SCFD2: variants seen among roughly 807,000 people sequenced by gnomAD.
SCFD2 encodes sec1 family domain containing 2, also known as sec1 family domain-containing protein 2.
In SCFD2, 54 loss-of-function variants were observed where a neutral mutation model predicts 58.9. The ratio of observed to expected loss-of-function variants is 0.92; its 90% CI spans 0.74 to 1.15. SCFD2 has a LOEUF of 1.15. SCFD2 is among the 50% of genes most tolerant of loss of function. The pLI, the probability that SCFD2 is intolerant of heterozygous loss-of-function variation, is 0.00. For synonymous variants in SCFD2, 321 were observed against 335.9 expected (o/e 0.96, Z 0.49); for missense variants, 805 against 836.6 (o/e 0.96, Z 0.47).
chr4:53,182,021 G>A (rs1273388300), intron 4 of SCFD2, among the ~76,000 whole-genome samples: 1 of 152,104 alleles, frequency 6.6e-6, no homozygotes, highest in African/African-American at 2.4e-5. Context: ...ACAAATGGAA[G>A]AACATCCCAT....
intron 3 of SCFD2, among the ~76,000 whole-genome samples, chr4:53,275,251 C>T (rs1731293569): frequency 6.6e-6 from 1 of 152,304 alleles, no homozygotes; most frequent in South Asian, 2.1e-4. Flanking sequence ...AACTCAAAAG[C>T]CTACAACATA....
chr4:53,338,757 T>C (rs1001187444), intron 2 of SCFD2, among the ~76,000 whole-genome samples: 12 of 151,634 alleles, frequency 7.9e-5, no homozygotes, highest in African/African-American at 2.9e-4. Context: ...ATTTTTTGTA[T>C]TTTTAGTAGA....
intron 5 of SCFD2, among the ~76,000 whole-genome samples, chr4:53,029,049 A>G (rs1354587257): frequency 1.3e-5 from 2 of 152,224 alleles, no homozygotes; most frequent in African/African-American, 4.8e-5. Flanking sequence ...CAGTACAAAG[A>G]AGGCAAGCTT....
At chr4:53,246,930 T>A (rs1217222934) in intron 4 of SCFD2, among the ~76,000 whole-genome samples, 8 of 148,812 alleles carry the variant, frequency 5.4e-5, no homozygotes, top group African/African-American at 7.4e-5. Flanking sequence ...ATGGAAAAAA[T>A]TTTTGCAAAC....
chr4:52,952,376 G>A (rs1030112373), intron 5 of SCFD2, among the ~76,000 whole-genome samples: 3 of 151,394 alleles, frequency 2.0e-5, no homozygotes, highest in South Asian at 2.1e-4. Flanking sequence ...CAATCTAAAG[G>A]CAGCTGCCCT....
Position 53,004,000 on chromosome 4 carries a change from T to A in SCFD2, c.1562-83130A>T, listed in dbSNP as rs537798214. ...GGAAATAAACAGTTTGCAATAAATGTCTGAAATAGTCCTGGTTCTTAAGTA... is the reference window on the plus strand; with the variant it reads ...GGAAATAAACAGTTTGCAATAAATGACTGAAATAGTCCTGGTTCTTAAGTA... On this transcript the variant is annotated intron_variant, in intron 5 of 8. Transcript: ENST00000401642. Among the ~76,000 whole-genome samples, 17 of 152,318 alleles carry A rather than the reference T, an allele frequency of 1.1e-4. No individual in the cohort carries two copies. In the East Asian group the frequency reaches 1.9e-3, roughly 17 times the overall value.
At chr4:53,146,341 T>C (rs1380769112) in intron 4 of SCFD2, among the ~76,000 whole-genome samples, 2 of 152,198 alleles carry the variant, frequency 1.3e-5, no homozygotes, top group Non-Finnish European at 2.9e-5. Context: ...ATTCTGAGAT[T>C]TTTGGTGGAT....
At chr4:52,977,152 TTGTAC>T (rs544081409) in intron 5 of SCFD2, among the ~76,000 whole-genome samples, 19 of 152,238 alleles carry the variant, frequency 1.2e-4, no homozygotes, top group Admixed American at 7.2e-4. Context: ...AGTTGACTCC[TTGTAC>T]TGTCACTGGA....
chr4:53,205,513 A>C (rs186991150), intron 4 of SCFD2, among the ~76,000 whole-genome samples: 26 of 152,246 alleles, frequency 1.7e-4, no homozygotes, highest in Admixed American at 8.5e-4. Flanking sequence ...TAAAAGCAAC[A>C]ACAAACCACA....
chr4:53,201,719 A>G (rs988261120), intron 4 of SCFD2, among the ~76,000 whole-genome samples: 5 of 152,128 alleles, frequency 3.3e-5, no homozygotes, highest in African/African-American at 4.8e-5. Context: ...TTGCCATTCT[A>G]ACTGGTGGGA....
At chr4:53,326,133 A>ATTTAT (rs201498742) in intron 2 of SCFD2, among the ~76,000 whole-genome samples, 129 of 151,716 alleles carry the variant, frequency 8.5e-4, no homozygotes, top group African/African-American at 2.2e-3. Flanking sequence ...TTAAAATTTT[A>ATTTAT]TTTATTTTAT....
At chr4:53,323,893 G>A (rs1231835195) in intron 2 of SCFD2, among the ~76,000 whole-genome samples, 2 of 152,004 alleles carry the variant, frequency 1.3e-5, no homozygotes, top group Non-Finnish European at 2.9e-5. Context: ...GAGTAAAGAG[G>A]AATCTTCAGG....
rs1210330193 is a variant in SCFD2 at position 53,301,491 on chromosome 4, G to C, written c.1135+12145C>G. Among the ~76,000 whole-genome samples, 6 of 151,992 alleles carry C rather than the reference G, an allele frequency of 3.9e-5. No homozygotes were observed. The East Asian group carries it at 9.6e-4, about 24-fold the overall frequency. ...CCAACCAAAAAAAACTCCAGGACCA[G>C]ATGGATTCACAGCCGAATTCTACCA... On this transcript the variant is annotated intron_variant, in intron 3 of 8. Transcript: ENST00000401642.
intron 5 of SCFD2, among the ~76,000 whole-genome samples, chr4:53,010,580 C>G (rs1478206600): frequency 6.6e-6 from 1 of 152,222 alleles, no homozygotes; most frequent in Non-Finnish European, 1.5e-5. Flanking sequence ...TTAAACTAGA[C>G]CTCCCAGTAC....
intron 4 of SCFD2, among the ~76,000 whole-genome samples, chr4:53,238,297 G>A (rs576053150): frequency 0.012 from 5 of 430 alleles, no homozygotes; most frequent in East Asian, 0.25. Context: ...GCAGCTGGCC[G>A]GGTGGGGGCT....
At chr4:53,242,648 A>G (rs552430948) in intron 4 of SCFD2, among the ~76,000 whole-genome samples, 55 of 152,234 alleles carry the variant, frequency 3.6e-4, no homozygotes, top group Non-Finnish European at 6.5e-4. Flanking sequence ...GAAATAACAG[A>G]AATATAATTC....
chr4:53,081,287 G>A (rs1475771070), intron 5 of SCFD2, among the ~76,000 whole-genome samples: 3 of 152,010 alleles, frequency 2.0e-5, no homozygotes, highest in African/African-American at 7.3e-5. Flanking sequence ...AATACAAGGC[G>A]TATGTGTACA....
intron 3 of SCFD2, among the ~76,000 whole-genome samples, chr4:53,311,008 T>C (rs555096389): frequency 6.6e-6 from 1 of 152,346 alleles, no homozygotes; most frequent in Non-Finnish European, 1.5e-5. Flanking sequence ...ATGTTATAGT[T>C]TTAAATGCTA....
chr4:53,313,656 A>G lies in SCFD2; in HGVS notation c.1115T>C (p.Leu372Pro). 2 of 1,613,986 alleles carry G rather than the reference A, an allele frequency of 1.2e-6. No homozygotes were observed. The highest frequency in any genetic ancestry group is 1.7e-6 in the Non-Finnish European group (2 of 1,179,912). ...CTTACCCATACTCATCTTGATTGGC[A>G]GGTTTTCTCTGCTTGCCGCTTCCAC... ...HLVEAASRENLPIKMSMGRVT... is the reference protein window; with the variant it reads ...HLVEAASRENPPIKMSMGRVT... Residue 372 changes from leucine (L) to proline (P), a missense_variant, in exon 3 of 9, where the codon CTG (leucine) becomes CCG (proline). Leu to Pro is a moderately conservative substitution (Grantham distance 98, BLOSUM62 -3). Coordinates refer to ENST00000401642, the MANE Select transcript of SCFD2 (RefSeq NM_152540.4).
Sources: allele counts gnomAD v4.1 joint callset (sites outside exome capture counted in the v4.1 genomes callset), GRCh38; gene constraint gnomAD v4.1.1; transcripts MANE v1.5; gene names NCBI Gene and HGNC (gene_info 2026-07-23, HGNC 2026-07-21).